Variants in TSNARE1 observed in about 807,000 individuals in gnomAD.
TSNARE1 encodes the protein t-SNARE domain containing 1, also known as t-SNARE domain-containing protein 1.
In TSNARE1, 49 loss-of-function variants were observed where a neutral mutation model predicts 62.0. The ratio of observed to expected loss-of-function variants is 0.79; its 90% CI spans 0.63 to 1.00. The LOEUF is 1.00. Among genes scored for constraint, TSNARE1 ranks in the 50% least tolerant of loss-of-function variants. The pLI, the probability that TSNARE1 is intolerant of heterozygous loss-of-function variation, is 0.00. For missense variants in TSNARE1, 755 were observed against 700.1 expected (o/e 1.08, Z -0.88); for synonymous variants, 328 against 294.4 (o/e 1.11, Z -1.17).
At chr8:142,244,163 G>A (rs892930128) in intron 12 of TSNARE1, among the ~76,000 whole-genome samples, 1 of 152,214 alleles carries the variant, frequency 6.6e-6, no homozygotes, top group African/African-American at 2.4e-5. Context: ...TCTAGCCTGG[G>A]CGACAGAGCG....
intron 13 of TSNARE1, among the ~76,000 whole-genome samples, chr8:142,228,786 T>C (rs1168643042): frequency 6.6e-6 from 1 of 152,098 alleles, no homozygotes; most frequent in Admixed American, 6.5e-5. Flanking sequence ...AATGAATGGA[T>C]GCAAGGAAGG....
chr8:142,267,849 T>G (rs938584185), intron 12 of TSNARE1, among the ~76,000 whole-genome samples: 11 of 152,178 alleles, frequency 7.2e-5, no homozygotes, highest in Non-Finnish European at 1.3e-4. Context: ...TGGATACGAA[T>G]CCCACTGAAA....
intron 12 of TSNARE1, among the ~76,000 whole-genome samples, chr8:142,255,758 CCATCACCAT>C (rs1818447985): frequency 3.1e-4 from 16 of 51,038 alleles, no homozygotes; most frequent in Non-Finnish European, 6.3e-4. Flanking sequence ...ATCACCACCA[CCATCACCAT>C]CACCACCACC....
intron 12 of TSNARE1, among the ~76,000 whole-genome samples, chr8:142,255,040 A>G (rs952193676): frequency 9.9e-5 from 15 of 152,034 alleles, no homozygotes; most frequent in Non-Finnish European, 2.1e-4. Context: ...CAGGTGGGGA[A>G]GGCAGATCCC....
In TSNARE1 at chr8:142,275,430, G is replaced by A. The variant is rs541757530; in HGVS notation, c.1364-567C>T. On this transcript the variant is annotated intron_variant, in intron 11 of 13. Transcript: ENST00000524325. ...GTACCTGGGAAAAGCCGGGCTCGGT[G>A]GCTGCAGCAGTGCCACCCAGGGAAG... The A allele has an allele frequency of 4.8e-4, 477 of 985,226 alleles. 1 individual carries two copies. The highest frequency in any genetic ancestry group is 5.4e-4 in the Non-Finnish European group (449 of 829,866). 61.0% of individuals were successfully genotyped at this position (985,226 alleles called of 1,614,324 possible). A position where few individuals can be genotyped will look rare whatever the true frequency, so the allele number is the denominator to read the frequency against.
At chr8:142,249,652 G>A (rs972921726) in intron 12 of TSNARE1, among the ~76,000 whole-genome samples, 1 of 152,248 alleles carries the variant, frequency 6.6e-6, no homozygotes, top group Non-Finnish European at 1.5e-5. Context: ...CGCCCAGGGT[G>A]CTGCAGCAGG....
chr8:142,264,114 CA>C (rs1435728985), intron 12 of TSNARE1, among the ~76,000 whole-genome samples: 1 of 152,154 alleles, frequency 6.6e-6, no homozygotes, highest in African/African-American at 2.4e-5. Flanking sequence ...GCAGTATTTT[CA>C]ATAGTATCCA....
intron 4 of TSNARE1, among the ~76,000 whole-genome samples, chr8:142,337,228 A>G (rs1231569539): frequency 6.6e-6 from 1 of 152,262 alleles, no homozygotes; most frequent in Non-Finnish European, 1.5e-5. Flanking sequence ...TACTGAGATG[A>G]TAAAATTATT....
chr8:142,394,507 G>T (rs1205011312), intron 1 of TSNARE1, among the ~76,000 whole-genome samples: 1 of 152,136 alleles, frequency 6.6e-6, no homozygotes, highest in South Asian at 2.1e-4. Flanking sequence ...GAACCTCCGG[G>T]GTTCCAAGGC....
At chr8:142,273,794 A>G in intron 12 of TSNARE1, 1 of 985,362 alleles carries the variant, frequency 1.0e-6, no homozygotes, top group Non-Finnish European at 1.2e-6. Flanking sequence ...GCGTGGTTCC[A>G]GCTGCGGCCC....
intron 12 of TSNARE1, among the ~76,000 whole-genome samples, chr8:142,240,444 G>C (rs1020675353): frequency 1.3e-5 from 2 of 151,934 alleles, no homozygotes; most frequent in South Asian, 2.1e-4. Flanking sequence ...AGGTCACACA[G>C]ACCAAAAAGA....
Position 142,345,747 on chromosome 8 carries a change from C to A in TSNARE1, c.234G>T (p.Lys78Asn). The change falls in exon 3 of 14, where the codon AAG becomes AAT. Residue 78 changes from lysine (K) to asparagine (N), a missense_variant. By Grantham distance (94) the Lys-to-Asn change is moderately conservative (BLOSUM62 0). Transcript: ENST00000524325. ...AGTPIVPRAR[K>N]RGPGVAPEGS... is the part of the protein sequence containing the mutation. ...CCCAGCGTCTGAGTGAAGTACCTCG[C>A]TTCCTGGCCCTTGGGACAATAGGCG... is the stretch of plus-strand genomic sequence containing the variant. 1 of 1,605,164 alleles carries A rather than the reference C, an allele frequency of 6.2e-7. No homozygotes were observed. Among genetic ancestry groups the A allele is most frequent in the Non-Finnish European group, 8.5e-7 (1 of 1,174,986 alleles).
intron 1 of TSNARE1, among the ~76,000 whole-genome samples, chr8:142,372,507 C>A (rs771367033): frequency 1.3e-5 from 2 of 152,140 alleles, no homozygotes; most frequent in Non-Finnish European, 2.9e-5. Flanking sequence ...AGAAACTGGG[C>A]CCCAGGGACA....
At chr8:142,357,346 G>A (rs1016942294) in intron 1 of TSNARE1, among the ~76,000 whole-genome samples, 1 of 152,230 alleles carries the variant, frequency 6.6e-6, no homozygotes, top group African/African-American at 2.4e-5. Context: ...GCAGTCCCAA[G>A]GAAGCGGCTC....
chr8:142,244,818 G>T (rs997839403), intron 12 of TSNARE1, among the ~76,000 whole-genome samples: 3 of 152,218 alleles, frequency 2.0e-5, no homozygotes, highest in Non-Finnish European at 4.4e-5. Flanking sequence ...CCTGCCACTC[G>T]CAGGGGAGCA....
chr8:142,330,661 G>C (rs530685159), intron 6 of TSNARE1, among the ~76,000 whole-genome samples: 1 of 152,348 alleles, frequency 6.6e-6, no homozygotes, highest in South Asian at 2.1e-4. Flanking sequence ...CGTCGGGGCG[G>C]GGTGCACCTG....
chr8:142,284,801 G>C lies in TSNARE1; in HGVS notation c.1291-316C>G, dbSNP rs78292219. On this transcript the variant is annotated intron_variant, in intron 10 of 13. Coordinates refer to ENST00000524325, the MANE Select transcript of TSNARE1 (RefSeq NM_145003.5). ...CCTAGGGGCTGTGAGCTGCTTCCCT[G>C]AGTACAGAGGTCCCAGGGTCTGTCC... 1.8e-3 allele frequency among the ~76,000 whole-genome samples: 269 copies of C among 152,296 alleles called. 1 individual carries two copies. The highest frequency in any genetic ancestry group is 6.2e-3 in the African/African-American group (257 of 41,570).
At chr8:142,299,676 CACAT>C (rs1340594073) in intron 10 of TSNARE1, among the ~76,000 whole-genome samples, 6 of 152,006 alleles carry the variant, frequency 3.9e-5, no homozygotes, top group African/African-American at 1.2e-4. Flanking sequence ...CACACGCACT[CACAT>C]GCATCACACG....
chr8:142,323,095 T>A (rs1021157201), intron 6 of TSNARE1, among the ~76,000 whole-genome samples: 2 of 151,928 alleles, frequency 1.3e-5, no homozygotes, highest in African/African-American at 4.8e-5. Context: ...GCTGCATCCG[T>A]GGGCTGATGA....
Sources: allele counts gnomAD v4.1 joint callset (sites outside exome capture counted in the v4.1 genomes callset), GRCh38; gene constraint gnomAD v4.1.1; transcripts MANE v1.5; gene names NCBI Gene and HGNC (gene_info 2026-07-23, HGNC 2026-07-21).